The following FCRL4 variants were observed in gnomAD, a reference collection of about 807,000 sequenced individuals.
The protein encoded by FCRL4 is Fc receptor like 4.
A neutral mutation model predicts 64.1 loss-of-function variants in FCRL4; 43 were observed. The observed-to-expected ratio is 0.67, with a 90% CI of 0.53 to 0.87. The LOEUF is 0.87. FCRL4 is among the 40% of genes least tolerant of loss of function. The pLI is 0.00. For synonymous variants in FCRL4, 253 were observed against 239.8 expected (o/e 1.05, Z -0.51); for missense variants, 656 against 613.5 (o/e 1.07, Z -0.73).
intron 2 of FCRL4, 66 bp from the exon 3 acceptor site, chr1:157,589,524 T>C (rs1652787820): frequency 6.4e-7 from 1 of 1,570,158 alleles, no homozygotes; most frequent in Non-Finnish European, 8.7e-7. Context: ...GTGGCTTGTG[T>C]GGGTTACAGT....
chr1:157,591,566 G>T (rs957224498), intron 2 of FCRL4, among the ~76,000 whole-genome samples: 4 of 152,110 alleles, frequency 2.6e-5, no homozygotes, highest in Admixed American at 2.6e-4. Context: ...GGCTCTGTTT[G>T]TCATAAGAAA....
intron 2 of FCRL4, among the ~76,000 whole-genome samples, chr1:157,590,426 A>G (rs1652812422): frequency 6.6e-6 from 1 of 151,884 alleles, no homozygotes; most frequent in Non-Finnish European, 1.5e-5. Flanking sequence ...GTAAATCTCA[A>G]TCATCTGGCT....
intron 6 of FCRL4, among the ~76,000 whole-genome samples, chr1:157,585,378 C>A (rs1005045302): frequency 3.8e-5 from 4 of 105,166 alleles, no homozygotes; most frequent in Non-Finnish European, 8.0e-5. Flanking sequence ...TTCTTTCTTT[C>A]TTTCTTTCTT....
intron 8 of FCRL4, among the ~76,000 whole-genome samples, chr1:157,579,419 TCTTTA>T (rs770840621): frequency 6.6e-6 from 1 of 151,646 alleles, no homozygotes; most frequent in African/African-American, 2.4e-5. Flanking sequence ...TGATTAAATG[TCTTTA>T]CTTTACTGTT....
rs977795257 is a variant in FCRL4 at position 157,586,407 on chromosome 1, T to C, written c.896A>G (p.Gln299Arg). 1.2e-6 allele frequency: 2 copies of C among 1,612,608 alleles called. No homozygotes were observed. The highest frequency in any genetic ancestry group is 8.5e-7 in the Non-Finnish European group (1 of 1,179,972). ...GACCAGCATCTCCCCTTCAACAGCC[T>C]GGCCCCCTGAGGGCTGGGTCTCCAG... ...VLLETQPSGG[Q>R]AVEGEMLVLV... is the part of the protein sequence containing the mutation. The change falls in exon 6 of 12, where the codon CAG (glutamine) becomes CGG (arginine). Residue 299 changes from glutamine (Q) to arginine (R), a missense_variant. Gln to Arg is a conservative substitution (Grantham distance 43, BLOSUM62 1). Coordinates refer to ENST00000271532, the MANE Select transcript of FCRL4 (RefSeq NM_031282.3).
At chr1:157,596,506 C>T (rs532541310) in intron 1 of FCRL4, among the ~76,000 whole-genome samples, 158 bp from the exon 2 acceptor site, 9 of 142,644 alleles carry the variant, frequency 6.3e-5, no homozygotes, top group South Asian at 2.1e-4. Context: ...AGTGGCCAGA[C>T]GCTCAGGCTG....
rs1553276893 is a variant in FCRL4, at chr1:157,585,344, C to CTCTTCCTTTCTT, written c.1135+823_1135+824insAAGAAAGGAAGA. 3.3e-3 allele frequency among the ~76,000 whole-genome samples: 271 copies of CTCTTCCTTTCTT among 81,314 alleles called. 2 individuals are homozygous for CTCTTCCTTTCTT. The highest frequency in any genetic ancestry group is 0.011 in the African/African-American group (259 of 22,774). The allele number at this position is 81,314 out of a possible 152,430, so 53.3% of individuals were successfully genotyped here. On this transcript the variant is annotated intron_variant, in intron 6 of 11. Coordinates refer to ENST00000271532, the MANE Select transcript of FCRL4 (RefSeq NM_031282.3). Reference sequence around the variant, plus strand: ...CTTCCTTCTCTCTTTCTTTCTCTCTCTCTTTCTTTCTTTCTTTCTTTCTTT... The same window carrying CTCTTCCTTTCTT: ...CTTCCTTCTCTCTTTCTTTCTCTCTCTCTTCCTTTCTTTCTTTCTTTCTTTCTTTCTTTCTTT...
chr1:157,595,457 C>T (rs1242071025), intron 2 of FCRL4, among the ~76,000 whole-genome samples: 1 of 152,256 alleles, frequency 6.6e-6, no homozygotes, highest in Non-Finnish European at 1.5e-5. Flanking sequence ...CTGCTATGTG[C>T]AGGTGGCCCT....
intron 2 of FCRL4, among the ~76,000 whole-genome samples, chr1:157,591,303 C>T (rs1652834803): frequency 6.6e-6 from 1 of 152,114 alleles, no homozygotes; most frequent in South Asian, 2.1e-4. Context: ...TTCTGTTGAT[C>T]TTTAAAGGCC....
chr1:157,573,906 G>C lies in FCRL4; in HGVS notation c.*1618C>G. ...TACAAATTTTTCTTAGTATTTCGTAGGTAGTTTTATTTTTTCTTAATTTGA... is the reference window on the plus strand; with the variant it reads ...TACAAATTTTTCTTAGTATTTCGTACGTAGTTTTATTTTTTCTTAATTTGA... On this transcript the variant is annotated 3_prime_UTR_variant, in exon 12 of 12. Coordinates refer to ENST00000271532, the MANE Select transcript of FCRL4 (RefSeq NM_031282.3). 5.1e-6 allele frequency: 1 copy of C among 194,196 alleles called. No homozygotes were observed. The highest frequency in any genetic ancestry group is 1.1e-5 in the Non-Finnish European group (1 of 93,364). 12.0% of individuals were successfully genotyped at this position (194,196 alleles called of 1,614,324 possible). A position where few individuals can be genotyped will look rare whatever the true frequency, so the allele number is the denominator to read the frequency against.
Position 157,587,789 on chromosome 1 carries a change from G to A in FCRL4, c.562+76C>T, listed in dbSNP as rs191609924. ...CTATCCAGAGTTTCAATAGTAACCC[G>A]TAAATTCTTTCCTTACATGCTCAGT... On this transcript the variant is annotated intron_variant, in intron 4 of 11. Transcript: ENST00000271532. 109 of 1,418,690 alleles carry A rather than the reference G, an allele frequency of 7.7e-5. No homozygotes were observed. In the Middle Eastern group the frequency reaches 1.0e-3, roughly 13 times the overall value. The allele number at this position is 1,418,690 out of a possible 1,614,324, so 87.9% of individuals were successfully genotyped here. A position where few individuals can be genotyped will look rare whatever the true frequency, so the allele number is the denominator to read the frequency against.
At chr1:157,595,075 T>C (rs1230075365) in intron 2 of FCRL4, among the ~76,000 whole-genome samples, 3 of 152,120 alleles carry the variant, frequency 2.0e-5, no homozygotes, top group Non-Finnish European at 4.4e-5. Context: ...ATTTTTTGTA[T>C]TTTCAGTAGA....
chr1:157,592,495 T>C (rs532946875), intron 2 of FCRL4, among the ~76,000 whole-genome samples: 22 of 152,322 alleles, frequency 1.4e-4, no homozygotes, highest in East Asian at 3.9e-4. Flanking sequence ...ATGCTCATCA[T>C]CACTGGCCAT....
At chr1:157,578,409 C>A (rs1652463235) in intron 10 of FCRL4, 65 bp downstream of exon 10, 3 of 1,325,906 alleles carry the variant, frequency 2.3e-6, no homozygotes, top group Non-Finnish European at 2.2e-6. Flanking sequence ...ATAGGAGGTG[C>A]TCAGTAAATA....
chr1:157,575,029 G>A lies in FCRL4; in HGVS notation c.*495C>T. On this transcript the variant is annotated 3_prime_UTR_variant, in exon 12 of 12. Coordinates refer to ENST00000271532, the MANE Select transcript of FCRL4 (RefSeq NM_031282.3). ...TGTAAGCTGTGCAGGCAGAAGTGAA[G>A]GGGCTTTTCATTGTTTGCACAGTGC... 1 of 236,010 alleles carries A rather than the reference G, an allele frequency of 4.2e-6. No homozygotes were observed. The highest frequency in any genetic ancestry group is 8.4e-6 in the Non-Finnish European group (1 of 119,378). 14.6% of individuals were successfully genotyped at this position (236,010 alleles called of 1,614,324 possible).
At position 157,598,053 on chromosome 1, in the gene FCRL4, GCTT is replaced by G; in HGVS notation, c.-112_-110del. 2.6e-6 allele frequency: 2 copies of G among 761,404 alleles called. No individual in the cohort carries two copies. The highest frequency in any genetic ancestry group is 3.0e-5 in the South Asian group (2 of 65,946). 47.2% of individuals were successfully genotyped at this position (761,404 alleles called of 1,614,324 possible). ...CCAGCACCAGCAGTGAGCTCAGTAA[GCTT>G]CTTCTCTGCATAAAGCTGATTGAGA... is the stretch of plus-strand genomic sequence containing the variant. On this transcript the variant is annotated 5_prime_UTR_variant, in exon 1 of 12. Coordinates refer to ENST00000271532, the MANE Select transcript of FCRL4 (RefSeq NM_031282.3).
chr1:157,597,538 T>C (rs1475737509), intron 1 of FCRL4, among the ~76,000 whole-genome samples: 2 of 152,224 alleles, frequency 1.3e-5, no homozygotes, highest in African/African-American at 2.4e-5. Context: ...TGATCCTTTC[T>C]ACCTGAGTTC....
chr1:157,580,450 A>G (rs982605215), intron 7 of FCRL4, 102 bp from the exon 8 acceptor site: 23 of 1,191,764 alleles, frequency 1.9e-5, no homozygotes, highest in Non-Finnish European at 2.6e-5. Context: ...AAGACAGTCA[A>G]TTCAAACACC....
rs751052641 is a variant in FCRL4 at position 157,587,599 on chromosome 1, T to C, written c.563-39A>G. 3.8e-6 allele frequency: 6 copies of C among 1,590,442 alleles called. No homozygotes were observed. In the East Asian group the frequency reaches 1.1e-4, roughly 30 times the overall value. On this transcript the variant is annotated intron_variant, in intron 4 of 11. Coordinates refer to ENST00000271532, the MANE Select transcript of FCRL4 (RefSeq NM_031282.3). ...GTAAGTCAAGTTCTGAGCACGAGAG[T>C]ATTTAGGACTCTGTGAGAGACAGGT... is the stretch of plus-strand genomic sequence containing the variant.
Sources: gnomAD v4.1 joint callset for allele counts (sites outside exome capture counted in the v4.1 genomes callset) on GRCh38, gnomAD v4.1.1 for gene constraint, MANE v1.5 for transcripts, NCBI Gene and HGNC (gene_info 2026-07-23, HGNC 2026-07-21) for gene names.